The following MMP12 variants were observed in gnomAD, a reference collection of about 807,000 sequenced individuals.
MMP12 encodes the protein macrophage metalloelastase.
A neutral mutation model predicts 45.2 loss-of-function variants in MMP12; 51 were observed. The ratio of observed to expected loss-of-function variants is 1.13; its 90% CI spans 0.90 to 1.42. The LOEUF is 1.42. MMP12 is among the 40% of genes most tolerant of loss of function. The probability of loss-of-function intolerance (pLI) is 0.00; values close to 1 mark genes in which losing one functional copy is unlikely to be tolerated. For missense variants in MMP12, 530 were observed against 570.8 expected, an observed-to-expected ratio of 0.93 and a Z score of 0.73; for synonymous variants, 210 against 193.3, an observed-to-expected ratio of 1.09 and a Z score of -0.72.
At chr11:102,871,087 C>T (rs895630485) in intron 4 of MMP12, among the ~76,000 whole-genome samples, 3 of 151,922 alleles carry the variant, frequency 2.0e-5, no homozygotes, top group East Asian at 3.9e-4. Flanking sequence ...AAAAATTAGC[C>T]GGGTGGGTAG....
chr11:102,874,202 C>G (rs1470510592), intron 1 of MMP12, among the ~76,000 whole-genome samples: 1 of 151,876 alleles, frequency 6.6e-6, no homozygotes, highest in African/African-American at 2.4e-5. Context: ...AGACCAAACT[C>G]TTTTAATTAA....
chr11:102,872,450 C>G (rs1165999658), intron 2 of MMP12, among the ~76,000 whole-genome samples: 5 of 152,096 alleles, frequency 3.3e-5, no homozygotes, highest in Non-Finnish European at 7.4e-5. Flanking sequence ...ACGCCATTCT[C>G]CTGCCTCAGC....
chr11:102,872,064 A>G (rs185183377), intron 2 of MMP12, 112 bp from the exon 3 acceptor site: 107 of 1,217,188 alleles, frequency 8.8e-5, no homozygotes, highest in Admixed American at 2.6e-4. Context: ...TCATAAATCA[A>G]GAGTCCAGAT....
At chr11:102,872,820 C>T in intron 2 of MMP12, 45 bp downstream of exon 2, 1 of 1,600,790 alleles carries the variant, frequency 6.2e-7, no homozygotes, top group Non-Finnish European at 8.5e-7. Flanking sequence ...GAAGTCAGAC[C>T]TATGGGAAAG....
intron 6 of MMP12, 62 bp from the exon 7 acceptor site, chr11:102,866,510 T>G: frequency 6.4e-7 from 1 of 1,551,828 alleles, no homozygotes; most frequent in Non-Finnish European, 8.8e-7. Flanking sequence ...CCATGGCATG[T>G]GAATGGGAGG....
intron 2 of MMP12, among the ~76,000 whole-genome samples, chr11:102,872,525 T>C (rs1372957941): frequency 6.6e-6 from 1 of 152,128 alleles, no homozygotes. Context: ...GTGTGTTTAG[T>C]AAAGACGAGG....
chr11:102,866,340 G>A lies in MMP12; in HGVS notation c.1020C>T (p.Ala340=), dbSNP rs1859386745. ...SGIEAAYEIE[A]RNQVFLFKDD... is the part of the protein sequence containing the mutation. The stretch of plus-strand genomic sequence containing the variant: ...CTTTAAAAAGAAAAACTTGATTTCT[G>A]GCTTCAATTTCATAAGCAGCTTCAA... The change falls in exon 7 of 10, where the codon GCC becomes GCT. Residue 340 remains alanine, a synonymous_variant. Transcript: ENST00000571244. 1 of 1,589,160 alleles carries A rather than the reference G, an allele frequency of 6.3e-7. No individual in the cohort carries two copies. Among genetic ancestry groups the A allele is most frequent in the African/African-American group, 1.3e-5 (1 of 74,258 alleles).
rs1555008872 is a variant in MMP12 at position 102,868,071 on chromosome 11, T to C, written c.626-2A>G. On this transcript the variant is annotated splice_acceptor_variant, in intron 4 of 9. Coordinates refer to ENST00000571244, the MANE Select transcript of MMP12 (RefSeq NM_002426.6). LOFTEE classifies it high-confidence loss of function. ...CAGCAGTGAGGAACAAGTTTGTGCCTAAGAAGAAACCAACCAAAAGACAGC... is the reference window on the plus strand; with the variant it reads ...CAGCAGTGAGGAACAAGTTTGTGCCCAAGAAGAAACCAACCAAAAGACAGC... 1 of 1,590,462 alleles carries C rather than the reference T, an allele frequency of 6.3e-7. No individual in the cohort carries two copies. The highest frequency in any genetic ancestry group is 8.6e-7 in the Non-Finnish European group (1 of 1,167,752).
rs909054262 is a variant in MMP12 at position 102,872,927 on chromosome 11, A to T, written c.288T>A (p.Asp96Glu). The change falls in exon 2 of 10, where the codon GAT becomes GAA. Residue 96 changes from aspartate to glutamate, a missense_variant. By Grantham distance (45) the Asp-to-Glu change is conservative. Coordinates refer to ENST00000571244, the MANE Select transcript of MMP12 (RefSeq NM_002426.6). ...MMHAPRCGVP[D>E]VHHFREMPGG... The stretch of plus-strand genomic sequence containing the variant: ...CTGGCATTTCCCTGAAATGATGGAC[A>T]TCGGGGACTCCACATCGAGGTGCGT... 6.2e-7 allele frequency: 1 copy of T among 1,613,756 alleles called. No individual in the cohort carries two copies. The highest frequency in any genetic ancestry group is 1.3e-5 in the African/African-American group (1 of 74,928).
At chr11:102,866,588 C>T in intron 6 of MMP12, 140 bp from the exon 7 acceptor site, 2 of 842,022 alleles carry the variant, frequency 2.4e-6, no homozygotes, top group East Asian at 2.8e-5. Context: ...GTCTGATGTT[C>T]ATGGATCCAC....
rs1487748542 is a variant in MMP12 at position 102,867,275 on chromosome 11, T to C, written c.906A>G (p.Lys302=). 8.8e-6 allele frequency: 14 copies of C among 1,594,512 alleles called. No homozygotes were observed. The highest frequency in any genetic ancestry group is 1.1e-5 in the Non-Finnish European group (13 of 1,171,328). The part of the protein sequence containing the change: ...TTVGNKIFFF[K]DRFFWLKVSE... Reference sequence around the variant, plus strand: ...AGATATGAAAATGATCCTACCTGTCTTTGAAGAAAAAGATCTTATTTCCCA... The same window carrying C: ...AGATATGAAAATGATCCTACCTGTCCTTGAAGAAAAAGATCTTATTTCCCA... Residue 302 remains lysine (K), a synonymous_variant, in exon 6 of 10, where the codon AAA becomes AAG. Transcript: ENST00000571244.
chr11:102,874,028 CA>C (rs35364937), intron 1 of MMP12, among the ~76,000 whole-genome samples: 175 of 97,452 alleles, frequency 1.8e-3, no homozygotes, highest in South Asian at 5.6e-3. Context: ...AACCCTGTCT[CA>C]AAAAAAAAAA....
chr11:102,866,328 A>G lies in MMP12; in HGVS notation c.1032T>C (p.Val344=), dbSNP rs1555008540. The change falls in exon 7 of 10, where the codon GTT becomes GTC. Residue 344 remains valine (V), a synonymous_variant. Transcript: ENST00000571244. ...GATTAGAATTACCTTTAAAAAGAAA[A>G]ACTTGATTTCTGGCTTCAATTTCAT... ...AAYEIEARNQ[V]FLFKDDKYWL... 6.3e-7 allele frequency: 1 copy of G among 1,580,434 alleles called. No homozygotes were observed. Among genetic ancestry groups the G allele is most frequent in the East Asian group, 2.3e-5 (1 of 43,962 alleles).
At chr11:102,866,166 G>A (rs1033688885) in intron 7 of MMP12, 149 bp downstream of exon 7, 4 of 894,272 alleles carry the variant, frequency 4.5e-6, no homozygotes, top group South Asian at 2.0e-5. Context: ...AGGTATTTAG[G>A]CTATTTTAGT....
chr11:102,871,057 C>A (rs1859484393), intron 4 of MMP12, among the ~76,000 whole-genome samples: 1 of 152,024 alleles, frequency 6.6e-6, no homozygotes, highest in Admixed American at 6.6e-5. Context: ...ATAGCAAGAT[C>A]CTGTCCCTAT....
At position 102,862,897 on chromosome 11, in the gene MMP12, T is replaced by G; in HGVS notation, c.*203A>C. 1 of 377,020 alleles carries G rather than the reference T, an allele frequency of 2.7e-6. No individual in the cohort carries two copies. The highest frequency in any genetic ancestry group is 6.4e-5 in the South Asian group (1 of 15,522). The allele number at this position is 377,020 out of a possible 1,614,324, so 23.4% of individuals were successfully genotyped here. ...TGAAGGTAACTATTTTCAAACTTAA[T>G]AGTAGAGTCAAGCAAGAATGGACAA... On this transcript the variant is annotated 3_prime_UTR_variant, in exon 10 of 10. Coordinates refer to ENST00000571244, the MANE Select transcript of MMP12 (RefSeq NM_002426.6).
chr11:102,874,828 A>C lies in MMP12; in HGVS notation c.102+8T>G, dbSNP rs201225458. 204 of 1,544,216 alleles carry C rather than the reference A, an allele frequency of 1.3e-4. 3 individuals carry two copies. In the South Asian group the frequency reaches 2.3e-3, roughly 17 times the overall value. On this transcript the variant is annotated splice_region_variant and intron_variant, in intron 1 of 9. Coordinates refer to ENST00000571244, the MANE Select transcript of MMP12 (RefSeq NM_002426.6). ...AAGCTCGATAAATACTGTAGTGTCC[A>C]TACTTACTTCACCAAATAGCACATT...
intron 9 of MMP12, 22 bp from the exon 10 acceptor site, chr11:102,863,222 A>AC: frequency 3.7e-5 from 48 of 1,307,920 alleles, no homozygotes; most frequent in Non-Finnish European, 4.8e-5. Flanking sequence ...AACAAATTAA[A>AC]TAGTTTAATT....
rs1555009661 is a variant in MMP12, at chr11:102,873,118, A to G, written c.103-6T>C. ...TAAAATTTTTCTAAGTATCTCTGGA[A>G]AAAAAAATACATTCAGCAATGTGTA... is the stretch of plus-strand genomic sequence containing the variant. On this transcript the variant is annotated splice_region_variant and splice_polypyrimidine_tract_variant and intron_variant, in intron 1 of 9. Coordinates refer to ENST00000571244, the MANE Select transcript of MMP12 (RefSeq NM_002426.6). The G allele has an allele frequency of 1.2e-6, 2 of 1,609,614 alleles. No individual in the cohort carries two copies. Among genetic ancestry groups the G allele is most frequent in the South Asian group, 1.1e-5 (1 of 90,476 alleles).
Sources: gnomAD v4.1 joint callset for allele counts (sites outside exome capture counted in the v4.1 genomes callset) on GRCh38, gnomAD v4.1.1 for gene constraint, MANE v1.5 for transcripts, NCBI Gene and HGNC (gene_info 2026-07-23, HGNC 2026-07-21) for gene names.